CARHSP1: variants seen among roughly 807,000 people sequenced by gnomAD.
The protein encoded by CARHSP1 is calcium regulated heat stable protein 1.
A neutral mutation model predicts 12.5 loss-of-function variants in CARHSP1; 14 were observed. The ratio of observed to expected loss-of-function variants is 1.12; its 90% CI spans 0.74 to 1.75. The LOEUF (loss-of-function observed/expected upper bound fraction) is 1.75, where lower values mean the gene tolerates loss of function less well. CARHSP1 is among the 40% of genes most tolerant of loss of function. The pLI is 0.00. For missense variants in CARHSP1, 343 were observed against 201.6 expected (o/e 1.70, Z -4.25); for synonymous variants, 161 against 82.0 (o/e 1.96, Z -5.20).
chr16:8,866,202 C>T (rs2061452085), intron 1 of CARHSP1, among the ~76,000 whole-genome samples: 1 of 152,226 alleles, frequency 6.6e-6, no homozygotes, highest in African/African-American at 2.4e-5. Context: ...GATTCTCCCA[C>T]CCCGGCCTCC....
intron 1 of CARHSP1, among the ~76,000 whole-genome samples, chr16:8,864,949 C>G (rs569751024): frequency 6.6e-6 from 1 of 152,164 alleles, no homozygotes; most frequent in African/African-American, 2.4e-5. Context: ...AATCATGCAG[C>G]CCCCATTACC....
rs1180432177 is a variant in CARHSP1 at position 8,866,398 on chromosome 16, A to G, written c.-8+2568T>C. On this transcript the variant is annotated intron_variant, in intron 1 of 3. Coordinates refer to ENST00000311052, the MANE Select transcript of CARHSP1 (RefSeq NM_014316.4). Reference sequence around the variant, plus strand: ...GAAATGGCGCAGGGATCGGGGTGAGACTCTAGCAGAGTAGCGAAGTTACCT... The same window carrying G: ...GAAATGGCGCAGGGATCGGGGTGAGGCTCTAGCAGAGTAGCGAAGTTACCT... 4 of 978,766 alleles carry G rather than the reference A, an allele frequency of 4.1e-6. No individual in the cohort carries two copies. The African/African-American group carries it at 7.0e-5, about 17-fold the overall frequency. The allele number at this position is 978,766 out of a possible 1,614,324, so 60.6% of individuals were successfully genotyped here.
At chr16:8,864,162 T>A (rs1378830287) in intron 1 of CARHSP1, among the ~76,000 whole-genome samples, 2 of 152,210 alleles carry the variant, frequency 1.3e-5, no homozygotes, top group African/African-American at 4.8e-5. Context: ...TATGCACATG[T>A]GTATGTGTGT....
At chr16:8,865,479 G>A (rs1439940088) in intron 1 of CARHSP1, among the ~76,000 whole-genome samples, 1 of 152,200 alleles carries the variant, frequency 6.6e-6, no homozygotes, top group African/African-American at 2.4e-5. Context: ...GGGGATAAGA[G>A]TTCAAGTCAG....
rs1278325573 is a variant in CARHSP1 at position 8,857,261 on chromosome 16, C to CTGTTTTTTGTTTTT, written c.281+1088_281+1089insAAAAACAAAAAACA. 1.8e-4 allele frequency among the ~76,000 whole-genome samples: 8 copies of CTGTTTTTTGTTTTT among 44,304 alleles called. 1 individual carries two copies. The highest frequency in any genetic ancestry group is 1.8e-3 in the South Asian group (2 of 1,122). 29.1% of individuals were successfully genotyped at this position (44,304 alleles called of 152,430 possible). ...TCTGGCTATGTGATCTTGGGCAGAT[C>CTGTTTTTTGTTTTT]TGTTTTTTTTTTTTTTTTTTTTTTT... On this transcript the variant is annotated intron_variant, in intron 3 of 3. Transcript: ENST00000311052.
At chr16:8,856,393 A>C (rs17566813) in intron 3 of CARHSP1, among the ~76,000 whole-genome samples, 6,854 of 152,286 alleles carry the variant, frequency 0.045, 228 homozygotes, top group Middle Eastern at 0.13. Flanking sequence ...GTCACGAGGG[A>C]GCTCAGAAAT....
intron 1 of CARHSP1, chr16:8,860,584 G>A (rs1209460384): frequency 9.8e-6 from 9 of 922,870 alleles, no homozygotes; most frequent in East Asian, 2.4e-4. Context: ...CTGCAAAGTG[G>A]GGCAGCTGGG....
chr16:8,856,039 C>T (rs2061092216), intron 3 of CARHSP1, among the ~76,000 whole-genome samples: 1 of 152,176 alleles, frequency 6.6e-6, no homozygotes, highest in Non-Finnish European at 1.5e-5. Flanking sequence ...AAACTCCTGA[C>T]CTTAAGTGAG....
chr16:8,858,190 A>C lies in CARHSP1; in HGVS notation c.281+160T>G, dbSNP rs2061211719. Reference sequence around the variant, plus strand: ...CTCACAACCCCAACCCAACACACACACAGGAGCACAGCTGGAGCACCAGCC... The same window carrying C: ...CTCACAACCCCAACCCAACACACACCCAGGAGCACAGCTGGAGCACCAGCC... On this transcript the variant is annotated intron_variant, in intron 3 of 3. Transcript: ENST00000311052. The C allele has an allele frequency of 7.1e-6, 6 of 841,130 alleles. No homozygotes were observed. The South Asian group carries it at 8.9e-5, about 12-fold the overall frequency. 52.1% of individuals were successfully genotyped at this position (841,130 alleles called of 1,614,324 possible).
rs901453426 is a variant in CARHSP1, at chr16:8,859,458, A to G, written c.-7-123T>C. On this transcript the variant is annotated intron_variant, in intron 1 of 3. Coordinates refer to ENST00000311052, the MANE Select transcript of CARHSP1 (RefSeq NM_014316.4). ...CATTCCTCTCGGGCACCTCAGCACC[A>G]TTGTCACCTTGTCTGGGAGCACGCC... The G allele has an allele frequency of 7.0e-5, 60 of 859,232 alleles. No individual in the cohort carries two copies. In the African/African-American group the frequency reaches 9.1e-4, roughly 13 times the overall value. 53.2% of individuals were successfully genotyped at this position (859,232 alleles called of 1,614,324 possible).
rs2060988685 is a variant in CARHSP1 at position 8,853,064 on chromosome 16, C to G, written c.*2100G>C. ...CCAAAACCCTCCGTCCCTCCCAGAG[C>G]CTCGAGGAGTTTCCCCTTGTGTAAA... is the stretch of plus-strand genomic sequence containing the variant. On this transcript the variant is annotated 3_prime_UTR_variant, in exon 4 of 4. Transcript: ENST00000311052. 1 of 152,174 alleles carries G rather than the reference C, an allele frequency of 6.6e-6. No individual in the cohort carries two copies. Among genetic ancestry groups the G allele is most frequent in the African/African-American group, 2.4e-5 (1 of 41,434 alleles). 9.4% of individuals were successfully genotyped at this position (152,174 alleles called of 1,614,324 possible). A position where few individuals can be genotyped will look rare whatever the true frequency, so the allele number is the denominator to read the frequency against.
chr16:8,855,224 G>T lies in CARHSP1; in HGVS notation c.384C>A (p.Ile128=). Residue 128 remains isoleucine (I), a synonymous_variant, in exon 4 of 4, where the codon ATC becomes ATA. Transcript: ENST00000311052. ...GCTTGGTGCCTGGTGCCAGGTGAGT[G>T]ATGACGACCTCCACGGCCTGCAGCT... ...NEKLQAVEVV[I]THLAPGTKHE... 1 of 1,613,284 alleles carries T rather than the reference G, an allele frequency of 6.2e-7. No individual in the cohort carries two copies. Among genetic ancestry groups the T allele is most frequent in the Non-Finnish European group, 8.5e-7 (1 of 1,179,516 alleles).
Position 8,853,814 on chromosome 16 carries a change from G to GT in CARHSP1, c.*1349_*1350insA, listed in dbSNP as rs1309353919. The GT allele has an allele frequency of 6.6e-6, 1 of 152,178 alleles. No homozygotes were observed. Among genetic ancestry groups the GT allele is most frequent in the Non-Finnish European group, 1.5e-5 (1 of 68,044 alleles). 9.4% of individuals were successfully genotyped at this position (152,178 alleles called of 1,614,324 possible). ...ACAAAAAAGTTTGCAGGCCGGGCGC[G>GT]ATGGCTCACACTTGTAATCCCAGCA... On this transcript the variant is annotated 3_prime_UTR_variant, in exon 4 of 4. Transcript: ENST00000311052.
intron 1 of CARHSP1, among the ~76,000 whole-genome samples, chr16:8,865,617 C>G (rs754281693): frequency 6.6e-6 from 1 of 152,214 alleles, no homozygotes; most frequent in Non-Finnish European, 1.5e-5. Flanking sequence ...CAGCTTCCAG[C>G]CCGGAGCCAG....
At chr16:8,863,418 G>A (rs1346505100) in intron 1 of CARHSP1, among the ~76,000 whole-genome samples, 1 of 152,166 alleles carries the variant, frequency 6.6e-6, no homozygotes, top group Non-Finnish European at 1.5e-5. Context: ...CAGCTTCCAA[G>A]CCTCATTCTT....
At chr16:8,859,356 CAG>C (rs752652257) in intron 1 of CARHSP1, 21 bp from the exon 2 acceptor site, 14 of 1,590,276 alleles carry the variant, frequency 8.8e-6, no homozygotes, top group Middle Eastern at 1.7e-4. Context: ...AAGAGGCTGT[CAG>C]GGGCTCGTGC....
chr16:8,866,058 A>G (rs924395247), intron 1 of CARHSP1, among the ~76,000 whole-genome samples: 2 of 151,836 alleles, frequency 1.3e-5, no homozygotes, highest in African/African-American at 2.4e-5. Context: ...GGCTCAAGGG[A>G]TCCTCTCACT....
chr16:8,859,085 C>T, intron 2 of CARHSP1, 86 bp downstream of exon 2: 1 of 1,348,506 alleles, frequency 7.4e-7, no homozygotes, highest in Non-Finnish European at 1.0e-6. Flanking sequence ...GGACATAGGC[C>T]CAAAAATGGC....
rs1677479 is a variant in CARHSP1 at position 8,853,867 on chromosome 16, T to C, written c.*1297A>G. ...TTGAGAGGCCGAGATGGGCAGATCA[T>C]CTGAGGTCAGGGGTTCAAGACCATC... On this transcript the variant is annotated 3_prime_UTR_variant, in exon 4 of 4. Coordinates refer to ENST00000311052, the MANE Select transcript of CARHSP1 (RefSeq NM_014316.4). 148,718 of 152,316 alleles carry C rather than the reference T, an allele frequency of 0.98. 72,694 individuals are homozygous for C. The highest frequency in any genetic ancestry group is 1 in the Middle Eastern group (294 of 294). 9.4% of individuals were successfully genotyped at this position (152,316 alleles called of 1,614,324 possible).
Sources: gnomAD v4.1 joint callset for allele counts (sites outside exome capture counted in the v4.1 genomes callset) on GRCh38, gnomAD v4.1.1 for gene constraint, MANE v1.5 for transcripts, NCBI Gene and HGNC (gene_info 2026-07-23, HGNC 2026-07-21) for gene names.